The following SH2D1A variants were observed in gnomAD, a reference collection of about 807,000 sequenced individuals.
The protein encoded by SH2D1A is SH2 domain containing 1A.
A neutral mutation model predicts 10.1 loss-of-function variants in SH2D1A; 6 were observed. The observed-to-expected ratio is 0.60, with a 90% CI of 0.33 to 1.18. The LOEUF (loss-of-function observed/expected upper bound fraction) is 1.18, where lower values mean the gene tolerates loss of function less well. Ranked by LOEUF, SH2D1A falls within the 50% of genes most tolerant of loss-of-function variation. The pLI is 0.04. For synonymous variants in SH2D1A, 42 were observed against 36.9 expected, an observed-to-expected ratio of 1.14 and a Z score of -0.51; for missense variants, 51 against 97.6, an observed-to-expected ratio of 0.52 and a Z score of 2.01.
chrX:124,372,797 T>A lies in SH2D1A; in HGVS notation c.*1406T>A, dbSNP rs2060072930. The A allele has an allele frequency of 6.1e-6, 1 of 164,074 alleles. No individual in the cohort carries two copies. The highest frequency in any genetic ancestry group is 3.3e-4 in the South Asian group (1 of 3,050). 13.5% of individuals were successfully genotyped at this position (164,074 alleles called of 1,213,427 possible). Reference sequence around the variant, plus strand: ...TTCTCCATGTACTGGCAAGACCTGATTTCTGAGCATTTAATATGGATGCCG... The same window carrying A: ...TTCTCCATGTACTGGCAAGACCTGAATTCTGAGCATTTAATATGGATGCCG... On this transcript the variant is annotated 3_prime_UTR_variant, in exon 4 of 4. Coordinates refer to ENST00000371139, the MANE Select transcript of SH2D1A (RefSeq NM_002351.5).
intron 1 of SH2D1A, among the ~76,000 whole-genome samples, chrX:124,347,150 A>T (rs1348858820): frequency 1.8e-5 from 2 of 111,461 alleles, no homozygotes; most frequent in Non-Finnish European, 3.8e-5. Context: ...TGCGAGCCTT[A>T]CTCTAGCTCT....
rs1484550706 is a variant in SH2D1A, at chrX:124,346,751, G to A, written c.109G>A (p.Val37Met). 1.7e-6 allele frequency: 2 copies of A among 1,210,117 alleles called. No individual in the cohort carries two copies. Among genetic ancestry groups the A allele is most frequent in the East Asian group, 3.0e-5 (1 of 33,771 alleles). Residue 37 changes from valine (V) to methionine (M), a missense_variant, in exon 1 of 4, where the codon GTG becomes ATG. Coordinates refer to ENST00000371139, the MANE Select transcript of SH2D1A (RefSeq NM_002351.5). ...CTATTTGCTGAGGGACAGCGAGAGC[G>A]TGCCAGGCGTGTACTGCCTATGTGT... ...GSYLLRDSES[V>M]PGVYCLCVLY...
chrX:124,353,936 A>G (rs1319240056), intron 1 of SH2D1A, among the ~76,000 whole-genome samples: 1 of 112,405 alleles, frequency 8.9e-6, no homozygotes, highest in Non-Finnish European at 1.9e-5. Flanking sequence ...GCAGTGATGA[A>G]ATAAAATTCC....
intron 1 of SH2D1A, among the ~76,000 whole-genome samples, chrX:124,363,181 A>G (rs2060044411): frequency 8.9e-6 from 1 of 111,891 alleles, no homozygotes; most frequent in South Asian, 3.7e-4. Context: ...ATAGATATAA[A>G]CTGAGTAATG....
At chrX:124,368,706 A>G (rs1287117924) in intron 2 of SH2D1A, among the ~76,000 whole-genome samples, 1 of 112,573 alleles carries the variant, frequency 8.9e-6, no homozygotes, top group African/African-American at 3.2e-5. Flanking sequence ...TCAAATGGGA[A>G]TAACTGAATC....
chrX:124,347,884 TA>T (rs1412560004), intron 1 of SH2D1A, among the ~76,000 whole-genome samples: 43 of 104,565 alleles, frequency 4.1e-4, no homozygotes, highest in South Asian at 2.1e-3. Flanking sequence ...GTCAGCAGGA[TA>T]AAAAAAAAAA....
chrX:124,350,176 T>A (rs2060004348), intron 1 of SH2D1A, among the ~76,000 whole-genome samples: 1 of 67,370 alleles, frequency 1.5e-5, no homozygotes, highest in Non-Finnish European at 2.6e-5. Flanking sequence ...TATAAATATC[T>A]AATATATATA....
At chrX:124,365,906 T>C in intron 2 of SH2D1A, 82 bp downstream of exon 2, 1 of 605,863 alleles carries the variant, frequency 1.7e-6, no homozygotes, top group South Asian at 2.2e-5. Context: ...GAGCAAATTA[T>C]ACATTATTAA....
chrX:124,372,699 C>T lies in SH2D1A; in HGVS notation c.*1308C>T, dbSNP rs189681703. ...GCTAAGCTTCACTGTAAAATAATAA[C>T]TGGGAATTCTGGATTGTGTATGGGT... On this transcript the variant is annotated 3_prime_UTR_variant, in exon 4 of 4. Coordinates refer to ENST00000371139, the MANE Select transcript of SH2D1A (RefSeq NM_002351.5). The T allele has an allele frequency of 1.2e-5, 2 of 167,293 alleles. No homozygotes were observed. The highest frequency in any genetic ancestry group is 6.0e-5 in the African/African-American group (2 of 33,492). 13.8% of individuals were successfully genotyped at this position (167,293 alleles called of 1,213,427 possible). A position where few individuals can be genotyped will look rare whatever the true frequency, so the allele number is the denominator to read the frequency against.
intron 1 of SH2D1A, among the ~76,000 whole-genome samples, chrX:124,350,498 TATAATATATAAATATATATTATATAC>T (rs2060008938): frequency 1.2e-4 from 5 of 40,279 alleles, no homozygotes; most frequent in Non-Finnish European, 1.2e-4. Flanking sequence ...ATATACTATA[TATAATATATAAATATATATTATATAC>T]TATATATAAT....
intron 1 of SH2D1A, among the ~76,000 whole-genome samples, chrX:124,354,464 A>G (rs1248760518): frequency 9.0e-6 from 1 of 111,152 alleles, no homozygotes; most frequent in Non-Finnish European, 1.9e-5. Flanking sequence ...ATTTGTTAAT[A>G]CATTCCCTCT....
intron 1 of SH2D1A, among the ~76,000 whole-genome samples, chrX:124,353,475 A>G (rs1163478396): frequency 9.1e-6 from 1 of 110,304 alleles, no homozygotes; most frequent in Non-Finnish European, 1.9e-5. Context: ...GCTCTTATTA[A>G]TGCAGATAGT....
Position 124,364,415 on chromosome X carries a change from C to T in SH2D1A, c.138-1346C>T, listed in dbSNP as rs762492825. 6.8e-4 allele frequency: 187 copies of T among 276,320 alleles called. 2 individuals carry two copies. The Middle Eastern group carries it at 8.9e-3, about 13-fold the overall frequency. 22.8% of individuals were successfully genotyped at this position (276,320 alleles called of 1,213,427 possible). ...CTGTACAATGTGTTTGTGTTTTAAG[C>T]GAAGTGTTATAAAAGAGTCAAAAAG... On this transcript the variant is annotated intron_variant, in intron 1 of 3. Transcript: ENST00000371139.
intron 1 of SH2D1A, among the ~76,000 whole-genome samples, chrX:124,357,203 T>A (rs915445890): frequency 1.8e-5 from 2 of 111,926 alleles, no homozygotes; most frequent in African/African-American, 3.2e-5. Flanking sequence ...TTAGTTCAAC[T>A]TTTTAAGATC....
intron 2 of SH2D1A, 96 bp downstream of exon 2, chrX:124,365,920 TTC>T: frequency 3.5e-6 from 2 of 565,301 alleles, no homozygotes; most frequent in Non-Finnish European, 6.3e-6. Context: ...TTATTAAGTA[TTC>T]ATAAGGTTTA....
At chrX:124,362,529 C>T (rs2060042376) in intron 1 of SH2D1A, among the ~76,000 whole-genome samples, 1 of 112,008 alleles carries the variant, frequency 8.9e-6, no homozygotes, top group Non-Finnish European at 1.9e-5. Context: ...ATTTTGGAAG[C>T]ACATAGCTTG....
intron 1 of SH2D1A, among the ~76,000 whole-genome samples, chrX:124,359,064 C>T (rs1052363718): frequency 9.9e-5 from 11 of 111,326 alleles, no homozygotes; most frequent in African/African-American, 3.6e-4. Context: ...AACAATTTTG[C>T]TCATTCAGAA....
chrX:124,349,330 C>G (rs1039079256), intron 1 of SH2D1A, among the ~76,000 whole-genome samples: 1 of 111,689 alleles, frequency 9.0e-6, no homozygotes, highest in Non-Finnish European at 1.9e-5. Context: ...TTGAGTGTCC[C>G]TTTTGATAAA....
intron 1 of SH2D1A, among the ~76,000 whole-genome samples, chrX:124,355,065 G>C (rs1463207350): frequency 1.8e-5 from 2 of 112,930 alleles, no homozygotes; most frequent in Non-Finnish European, 3.7e-5. Flanking sequence ...CATTATAGTT[G>C]TGTCTTGAAT....
Sources: gnomAD v4.1 joint callset for allele counts (sites outside exome capture counted in the v4.1 genomes callset) on GRCh38, gnomAD v4.1.1 for gene constraint, MANE v1.5 for transcripts, NCBI Gene and HGNC (gene_info 2026-07-23, HGNC 2026-07-21) for gene names.